TPD52: variants seen among roughly 807,000 people sequenced by gnomAD.
The protein encoded by TPD52 is prostate and colon associated protein.
Under a neutral mutation model 31.3 loss-of-function variants are expected in TPD52, and 17 were observed. The observed-to-expected ratio is 0.54, with a 90% CI of 0.37 to 0.82. The LOEUF (loss-of-function observed/expected upper bound fraction) is 0.82. Ranked by LOEUF, TPD52 falls within the 40% of genes least tolerant of loss-of-function variation. The probability of loss-of-function intolerance (pLI) is 0.00; values close to 1 mark genes in which losing one functional copy is unlikely to be tolerated. For missense variants in TPD52, 212 were observed against 240.1 expected (o/e 0.88, Z 0.77); for synonymous variants, 83 against 89.6 (o/e 0.93, Z 0.42).
rs1171817365 is a variant in TPD52, at chr8:80,107,543, T to A, written c.20-42950A>T. On this transcript the variant is annotated intron_variant, in intron 1 of 7. Transcript: ENST00000518937. ...AATAAGTGACTCAAACCAGACGTTA[T>A]CTCCTTCTGTCTGTCTTTGTATGAA... Among the ~76,000 whole-genome samples the A allele has an allele frequency of 2.6e-5, 4 of 152,336 alleles. No homozygotes were observed. The East Asian group carries it at 5.8e-4, about 22-fold the overall frequency.
chr8:80,101,448 CAAAAAAAA>C (rs113660828), intron 1 of TPD52, among the ~76,000 whole-genome samples: 6 of 114,652 alleles, frequency 5.2e-5, no homozygotes, highest in African/African-American at 8.7e-5. Flanking sequence ...ACTCCCAGCT[CAAAAAAAA>C]AAAAAAAAAA....
At chr8:80,160,332 C>T (rs1811262595) in intron 1 of TPD52, among the ~76,000 whole-genome samples, 1 of 152,114 alleles carries the variant, frequency 6.6e-6, no homozygotes, top group Non-Finnish European at 1.5e-5. Context: ...ATTATGTTTC[C>T]TCATATATAA....
chr8:80,049,344 C>A (rs1811152619), intron 5 of TPD52, among the ~76,000 whole-genome samples: 1 of 152,214 alleles, frequency 6.6e-6, no homozygotes, highest in African/African-American at 2.4e-5. Context: ...GTGACTGGCT[C>A]TGTATTCAGT....
intron 1 of TPD52, among the ~76,000 whole-genome samples, chr8:80,145,373 G>T (rs1332770910): frequency 6.6e-6 from 1 of 152,222 alleles, no homozygotes; most frequent in East Asian, 1.9e-4. Context: ...GGGCATGGCA[G>T]TTGCACCACA....
At chr8:80,110,582 A>C (rs1162188649) in intron 1 of TPD52, among the ~76,000 whole-genome samples, 2 of 137,366 alleles carry the variant, frequency 1.5e-5, no homozygotes, top group Non-Finnish European at 3.1e-5. Flanking sequence ...TAATAAATAA[A>C]TAAATAAATG....
At chr8:80,086,425 C>T (rs535010044) in intron 1 of TPD52, among the ~76,000 whole-genome samples, 1 of 151,866 alleles carries the variant, frequency 6.6e-6, no homozygotes, top group South Asian at 2.1e-4. Flanking sequence ...CCGGAAGGTT[C>T]TAGTTTTTAA....
chr8:80,130,149 G>C (rs1231078436), intron 1 of TPD52, among the ~76,000 whole-genome samples: 1 of 152,204 alleles, frequency 6.6e-6, no homozygotes, highest in Non-Finnish European at 1.5e-5. Flanking sequence ...CATCTGCTGA[G>C]ATGAAGAGGA....
At chr8:80,056,977 T>C (rs1244927596) in intron 2 of TPD52, among the ~76,000 whole-genome samples, 1 of 152,148 alleles carries the variant, frequency 6.6e-6, no homozygotes, top group Non-Finnish European at 1.5e-5. Flanking sequence ...GAGACCAGCC[T>C]GGCTAACATG....
At chr8:80,087,920 T>C (rs1285014214) in intron 1 of TPD52, among the ~76,000 whole-genome samples, 2 of 152,370 alleles carry the variant, frequency 1.3e-5, no homozygotes, top group East Asian at 3.8e-4. Flanking sequence ...ATTTTAAGTA[T>C]GAAATTCAAT....
chr8:80,163,592 A>T (rs531486830), intron 1 of TPD52, among the ~76,000 whole-genome samples: 15 of 152,168 alleles, frequency 9.9e-5, no homozygotes, highest in Non-Finnish European at 1.8e-4. Context: ...ACATTTAAAA[A>T]CGATTAAGAT....
intron 1 of TPD52, among the ~76,000 whole-genome samples, chr8:80,142,720 G>C (rs939465866): frequency 6.6e-6 from 1 of 152,104 alleles, no homozygotes; most frequent in African/African-American, 2.4e-5. Flanking sequence ...AGCACAATCA[G>C]ACTGGTCCTG....
intron 1 of TPD52, among the ~76,000 whole-genome samples, chr8:80,077,036 G>A (rs554754762): frequency 1.3e-5 from 2 of 152,084 alleles, no homozygotes; most frequent in African/African-American, 2.4e-5. Context: ...CAGCACTTTG[G>A]GAGGCCGAGG....
At chr8:80,058,357 A>G (rs1333647452) in intron 2 of TPD52, among the ~76,000 whole-genome samples, 1 of 152,244 alleles carries the variant, frequency 6.6e-6, no homozygotes, top group Non-Finnish European at 1.5e-5. Flanking sequence ...TATAAATAAT[A>G]TAAATTAAAA....
At chr8:80,044,040 A>G (rs1810607344) in intron 6 of TPD52, 127 bp downstream of exon 6, 3 of 715,222 alleles carry the variant, frequency 4.2e-6, no homozygotes, top group Non-Finnish European at 6.9e-6. Flanking sequence ...AAACTGATAG[A>G]GTGTTAAACA....
At position 80,129,703 on chromosome 8, in the gene TPD52, C is replaced by CTTT. The variant is rs5892709; in HGVS notation, c.19+41719_19+41721dup. 1.5e-3 allele frequency among the ~76,000 whole-genome samples: 197 copies of CTTT among 130,070 alleles called. 6 individuals are homozygous for CTTT. Among genetic ancestry groups the CTTT allele is most frequent in the African/African-American group, 4.5e-3 (153 of 33,632 alleles). 85.3% of individuals were successfully genotyped at this position (130,070 alleles called of 152,430 possible). A position where few individuals can be genotyped will look rare whatever the true frequency, so the allele number is the denominator to read the frequency against. On this transcript the variant is annotated intron_variant, in intron 1 of 7. Coordinates refer to ENST00000518937, the MANE Select transcript of TPD52 (RefSeq NM_001025253.3). Reference sequence around the variant, plus strand: ...TTCTCTCAAATCCTAACTCTCATTTCTTTTTTTTTTTTTTTTTTGAGACGG... The same window carrying CTTT: ...TTCTCTCAAATCCTAACTCTCATTTCTTTTTTTTTTTTTTTTTTTTTGAGACGG...
chr8:80,130,647 T>C (rs1052646318), intron 1 of TPD52, among the ~76,000 whole-genome samples: 12 of 152,198 alleles, frequency 7.9e-5, no homozygotes, highest in African/African-American at 2.9e-4. Context: ...ATATATTTCA[T>C]AAGTGTATAG....
At position 80,152,279 on chromosome 8, in the gene TPD52, TGAA is replaced by T. The variant is rs140086694; in HGVS notation, c.19+19143_19+19145del. ...GCCAGCCATATCCTCAGCAGGAGGATGAAGAAGCCAGGCCAACCCTTGATAGTA... is the reference window on the plus strand; with the variant it reads ...GCCAGCCATATCCTCAGCAGGAGGATGAAGCCAGGCCAACCCTTGATAGTA... On this transcript the variant is annotated intron_variant, in intron 1 of 7. Coordinates refer to ENST00000518937, the MANE Select transcript of TPD52 (RefSeq NM_001025253.3). Among the ~76,000 whole-genome samples, 363 of 152,234 alleles carry T rather than the reference TGAA, an allele frequency of 2.4e-3. 1 individual carries two copies. The highest frequency in any genetic ancestry group is 8.4e-3 in the African/African-American group (350 of 41,538).
chr8:80,051,531 C>T lies in TPD52; in HGVS notation c.382G>A (p.Val128Ile). 6.2e-7 allele frequency: 1 copy of T among 1,613,680 alleles called. No individual in the cohort carries two copies. The highest frequency in any genetic ancestry group is 8.5e-7 in the Non-Finnish European group (1 of 1,179,684). Residue 128 changes from valine to isoleucine, a missense_variant, in exon 4 of 8, where the codon GTA (valine) becomes ATA (isoleucine). Val to Ile is a conservative substitution (Grantham distance 29). Transcript: ENST00000518937. The part of the protein sequence containing the change: ...GSVITKKLED[V>I]KLQAFSHSFS... The stretch of plus-strand genomic sequence containing the variant: ...CAAGGAAAAATGAGGACATACTTTA[C>T]ATCTTCCAGCTTTTTGGTGATGACT...
intron 1 of TPD52, among the ~76,000 whole-genome samples, chr8:80,124,333 T>C (rs1315263479): frequency 6.6e-6 from 1 of 152,102 alleles, no homozygotes; most frequent in African/African-American, 2.4e-5. Flanking sequence ...GCCTGGCTAA[T>C]ATTTGTATTT....
Sources: gnomAD v4.1 joint callset for allele counts (sites outside exome capture counted in the v4.1 genomes callset) on GRCh38, gnomAD v4.1.1 for gene constraint, MANE v1.5 for transcripts, NCBI Gene and HGNC (gene_info 2026-07-23, HGNC 2026-07-21) for gene names.